The following ERICH6B variants were observed in gnomAD, a reference collection of about 807,000 sequenced individuals.
ERICH6B encodes the protein glutamate rich 6B.
Under a neutral mutation model 80.0 loss-of-function variants are expected in ERICH6B, and 69 were observed. The ratio of observed to expected loss-of-function variants is 0.86; its 90% CI spans 0.71 to 1.05. The LOEUF (loss-of-function observed/expected upper bound fraction) is 1.05, where lower values mean the gene tolerates loss of function less well. Among genes scored for constraint, ERICH6B ranks in the 50% least tolerant of loss-of-function variants. The probability of loss-of-function intolerance (pLI) is 0.00; values close to 1 mark genes in which losing one functional copy is unlikely to be tolerated. For missense variants in ERICH6B, 754 were observed against 796.1 expected (o/e 0.95, Z 0.64); for synonymous variants, 283 against 291.9 (o/e 0.97, Z 0.31).
intron 2 of ERICH6B, among the ~76,000 whole-genome samples, chr13:45,603,882 TG>T (rs367626510): frequency 6.2e-4 from 95 of 152,308 alleles, no homozygotes; most frequent in African/African-American, 2.2e-3. Flanking sequence ...GATCTTGGTT[TG>T]ATTTACTGGT....
Position 45,596,712 on chromosome 13 carries a change from C to T in ERICH6B, c.294G>A (p.Leu98=), listed in dbSNP as rs368566782. 6.4e-7 allele frequency: 1 copy of T among 1,551,780 alleles called. No individual in the cohort carries two copies. The highest frequency in any genetic ancestry group is 8.7e-7 in the Non-Finnish European group (1 of 1,147,064). Residue 98 remains leucine (L), a synonymous_variant, in exon 3 of 15, where the codon CTG becomes CTA. Coordinates refer to ENST00000298738, the MANE Select transcript of ERICH6B (RefSeq NM_182542.3). ...KEEHLEEEEY[L]EKAGYLEEEE... ...CCTCCTCCAGATACCCTGCCTTCTC[C>T]AGATACTCTTCCTCCTCCAGATGCT...
At chr13:45,602,897 G>T (rs1226319654) in intron 2 of ERICH6B, among the ~76,000 whole-genome samples, 1 of 152,318 alleles carries the variant, frequency 6.6e-6, no homozygotes, top group East Asian at 1.9e-4. Flanking sequence ...GAACCAGTGG[G>T]ATATATATAG....
chr13:45,605,728 GC>G (rs1195887972), intron 2 of ERICH6B, among the ~76,000 whole-genome samples: 2 of 152,220 alleles, frequency 1.3e-5, no homozygotes, highest in Non-Finnish European at 2.9e-5. Context: ...TCTTTCACAA[GC>G]TCTGGTTAAA....
rs1406483042 is a variant in ERICH6B at position 45,609,476 on chromosome 13, ATGT to A, written c.-110-1864_-110-1862del. 9.2e-5 allele frequency among the ~76,000 whole-genome samples: 14 copies of A among 152,304 alleles called. 1 individual carries two copies. In the East Asian group the frequency reaches 2.3e-3, roughly 25 times the overall value. On this transcript the variant is annotated intron_variant, in intron 1 of 14. Coordinates refer to ENST00000298738, the MANE Select transcript of ERICH6B (RefSeq NM_182542.3). ...ACCTCCAATCACTACATGTATTATC[ATGT>A]TGTTTTAGTTTCCTCATAATATTTG...
In ERICH6B at chr13:45,607,599, G is replaced by A. The variant is rs769991808; in HGVS notation, c.-94C>T. Reference sequence around the variant, plus strand: ...GGTAAACTGAGTCCAAGCCAAGAGAGTTTTCAACAATAACAGCTGAAGGAA... The same window carrying A: ...GGTAAACTGAGTCCAAGCCAAGAGAATTTTCAACAATAACAGCTGAAGGAA... On this transcript the variant is annotated 5_prime_UTR_variant, in exon 2 of 15. Transcript: ENST00000298738. The A allele has an allele frequency of 1.3e-5, 2 of 152,410 alleles. No individual in the cohort carries two copies. Among genetic ancestry groups the A allele is most frequent in the African/African-American group, 2.4e-5 (1 of 41,450 alleles). The allele number at this position is 152,410 out of a possible 1,614,324, so 9.4% of individuals were successfully genotyped here.
chr13:45,573,593 T>C (rs1294800500), intron 8 of ERICH6B, among the ~76,000 whole-genome samples: 1 of 152,228 alleles, frequency 6.6e-6, no homozygotes, highest in Non-Finnish European at 1.5e-5. Context: ...TGGTGTCACA[T>C]TCTTGCCTAA....
At chr13:45,595,113 A>T (rs1876308714) in intron 3 of ERICH6B, among the ~76,000 whole-genome samples, 3 of 152,212 alleles carry the variant, frequency 2.0e-5, no homozygotes, top group Non-Finnish European at 4.4e-5. Context: ...TGATTCCTTT[A>T]AGGGGGCCGA....
At chr13:45,553,066 A>G in intron 11 of ERICH6B, 1 of 281,984 alleles carries the variant, frequency 3.5e-6, no homozygotes, top group East Asian at 1.1e-4. Flanking sequence ...AGTTTTCTGG[A>G]AATTTCTTGT....
Position 45,561,537 on chromosome 13 carries a change from A to G in ERICH6B, c.1250-11T>C, listed in dbSNP as rs759505160. The G allele has an allele frequency of 1.3e-6, 2 of 1,550,614 alleles. No individual in the cohort carries two copies. The highest frequency in any genetic ancestry group is 1.7e-6 in the Non-Finnish European group (2 of 1,146,706). ...CTGTTAACTTTTGAGCTGCCATTCA[A>G]TTCAACGATTGCATTGAATAAGATT... On this transcript the variant is annotated splice_polypyrimidine_tract_variant and intron_variant, in intron 10 of 14. Transcript: ENST00000298738.
At chr13:45,614,474 A>C (rs957803347) in intron 1 of ERICH6B, among the ~76,000 whole-genome samples, 1 of 152,236 alleles carries the variant, frequency 6.6e-6, no homozygotes, top group Admixed American at 6.5e-5. Flanking sequence ...AGAGGCACAC[A>C]GGAGGCTGAC....
intron 11 of ERICH6B, among the ~76,000 whole-genome samples, chr13:45,552,365 C>T (rs955696784): frequency 1.3e-5 from 2 of 152,130 alleles, no homozygotes; most frequent in African/African-American, 4.8e-5. Context: ...TCAGCACACA[C>T]ACCTGGCTCA....
chr13:45,582,918 G>C (rs1425197017), intron 5 of ERICH6B, among the ~76,000 whole-genome samples: 1 of 152,144 alleles, frequency 6.6e-6, no homozygotes, highest in African/African-American at 2.4e-5. Flanking sequence ...TCTTAGGCTG[G>C]TTTCTTGTGG....
intron 11 of ERICH6B, among the ~76,000 whole-genome samples, chr13:45,555,201 G>A (rs1191173899): frequency 6.6e-6 from 1 of 152,170 alleles, no homozygotes; most frequent in Non-Finnish European, 1.5e-5. Context: ...GCCAAGTAAG[G>A]TTTCTTTTAT....
chr13:45,551,303 A>G (rs1010911014), intron 11 of ERICH6B, among the ~76,000 whole-genome samples: 1 of 152,168 alleles, frequency 6.6e-6, no homozygotes, highest in Non-Finnish European at 1.5e-5. Context: ...TTCTGCTTAT[A>G]TCATTATCGT....
chr13:45,586,101 C>T (rs547952846), intron 5 of ERICH6B, among the ~76,000 whole-genome samples: 89 of 152,026 alleles, frequency 5.9e-4, no homozygotes, highest in African/African-American at 2.0e-3. Context: ...GAGATGGCTC[C>T]AGTTCTTGGG....
At chr13:45,543,966 T>C (rs115616041) in intron 14 of ERICH6B, among the ~76,000 whole-genome samples, 366 of 152,320 alleles carry the variant, frequency 2.4e-3, no homozygotes, top group African/African-American at 8.1e-3. Context: ...TGTGTTTTAT[T>C]GTCAGGATCA....
intron 11 of ERICH6B, among the ~76,000 whole-genome samples, chr13:45,555,079 G>A (rs1423094637): frequency 6.6e-6 from 1 of 152,136 alleles, no homozygotes; most frequent in Non-Finnish European, 1.5e-5. Context: ...GATGTTAGTG[G>A]GGAGGGGGCG....
chr13:45,549,750 C>A (rs1481982476), intron 13 of ERICH6B, 143 bp downstream of exon 13: 1 of 893,330 alleles, frequency 1.1e-6, no homozygotes, highest in Non-Finnish European at 1.6e-6. Flanking sequence ...ACCTCATGGA[C>A]TGGTCCATCA....
At chr13:45,561,724 C>T (rs942889) in intron 10 of ERICH6B, among the ~76,000 whole-genome samples, 198 bp from the exon 11 acceptor site, 50,319 of 151,968 alleles carry the variant, frequency 0.33, 9,055 homozygotes, top group East Asian at 0.56. Context: ...GACATTCCAG[C>T]TCACTCTGTT....
Sources: allele counts gnomAD v4.1 joint callset (sites outside exome capture counted in the v4.1 genomes callset), GRCh38; gene constraint gnomAD v4.1.1; transcripts MANE v1.5; gene names NCBI Gene and HGNC (gene_info 2026-07-23, HGNC 2026-07-21).